Variants in BNIP1 observed in about 807,000 individuals in gnomAD.
BNIP1 encodes the protein vesicle transport protein SEC20.
In BNIP1, 25 loss-of-function variants were observed where a neutral mutation model predicts 28.5. The ratio of observed to expected loss-of-function variants is 0.88; its 90% confidence interval spans 0.64 to 1.23. The LOEUF is 1.23. BNIP1 is among the 50% of genes most tolerant of loss of function. The pLI is 0.00. For synonymous variants in BNIP1, 118 were observed against 101.7 expected, an observed-to-expected ratio of 1.16 and a Z score of -0.96; for missense variants, 276 against 277.0, an observed-to-expected ratio of 1.00 and a Z score of 0.02.
intron 1 of BNIP1, 140 bp downstream of exon 1, chr5:173,144,769 C>G (rs980908835): frequency 2.6e-5 from 22 of 850,350 alleles, no homozygotes; most frequent in Non-Finnish European, 3.9e-5. Context: ...CGGCTACCCC[C>G]CCGGTCCCCA....
intron 3 of BNIP1, among the ~76,000 whole-genome samples, chr5:173,155,741 G>GA (rs1354830711): frequency 2.6e-5 from 4 of 151,734 alleles, no homozygotes; most frequent in Non-Finnish European, 4.4e-5. Context: ...AAAAATTTTG[G>GA]AAATGAGGTC....
At chr5:173,155,639 A>G (rs998649858) in intron 3 of BNIP1, among the ~76,000 whole-genome samples, 1 of 152,198 alleles carries the variant, frequency 6.6e-6, no homozygotes, top group Non-Finnish European at 1.5e-5. Flanking sequence ...CAGAGGTTGC[A>G]GTGAGCCGAG....
intron 2 of BNIP1, 23 bp downstream of exon 2, chr5:173,146,981 A>G (rs1436047070): frequency 1.3e-6 from 2 of 1,576,814 alleles, no homozygotes; most frequent in African/African-American, 1.3e-5. Flanking sequence ...AATTCAGTCA[A>G]TGAAGGGGGC....
chr5:173,144,988 A>G (rs5745105), intron 1 of BNIP1: 2 of 194,912 alleles, frequency 1.0e-5, no homozygotes, highest in Non-Finnish European at 2.1e-5. Context: ...CCGCCCTCTG[A>G]CGCTGCTTCA....
Position 173,159,334 on chromosome 5 carries a change from C to T in BNIP1, c.371+489C>T, listed in dbSNP as rs1342985667. Among the ~76,000 whole-genome samples the T allele has an allele frequency of 4.6e-5, 7 of 152,254 alleles. No homozygotes were observed. The South Asian group carries it at 1.0e-3, about 23-fold the overall frequency. On this transcript the variant is annotated intron_variant, in intron 4 of 5. Coordinates refer to ENST00000351486, the MANE Select transcript of BNIP1 (RefSeq NM_001205.3). ...GATTATAGGCGTGAGCCACCATGCC[C>T]GGCCGAAAATATCAAATCTTATTAC...
chr5:173,161,636 A>T (rs1760364523), intron 5 of BNIP1: 1 of 152,210 alleles, frequency 6.6e-6, no homozygotes, highest in Non-Finnish European at 1.5e-5. Context: ...TGCCTCACAA[A>T]TTCAGCTTGA....
chr5:173,160,078 T>C, intron 5 of BNIP1, 27 bp downstream of exon 5: 1 of 1,602,864 alleles, frequency 6.2e-7, no homozygotes, highest in Non-Finnish European at 8.5e-7. Context: ...AGTAGGAAGC[T>C]TCTCCCAGAG....
intron 5 of BNIP1, 58 bp from the exon 6 acceptor site, chr5:173,163,667 G>C: frequency 6.8e-7 from 1 of 1,472,102 alleles, no homozygotes. Flanking sequence ...AGCAGAGTGA[G>C]GTCTTTGGAT....
At chr5:173,147,976 TC>T (rs1759888776) in intron 2 of BNIP1, among the ~76,000 whole-genome samples, 1 of 143,944 alleles carries the variant, frequency 6.9e-6, no homozygotes, top group South Asian at 2.3e-4. Flanking sequence ...GGCAGGAGAA[TC>T]GCTTGAACCC....
intron 2 of BNIP1, among the ~76,000 whole-genome samples, chr5:173,153,258 C>T (rs890652144): frequency 1.3e-5 from 2 of 151,210 alleles, no homozygotes; most frequent in African/African-American, 4.9e-5. Context: ...GAGACAGTCT[C>T]TCTCTGTCGC....
At chr5:173,154,528 T>G in intron 3 of BNIP1, 115 bp downstream of exon 3, 1 of 749,976 alleles carries the variant, frequency 1.3e-6, no homozygotes, top group Non-Finnish European at 2.1e-6. Context: ...TGGTGTCTTT[T>G]TTTTTTTTTT....
At chr5:173,151,978 A>G (rs775313585) in intron 2 of BNIP1, among the ~76,000 whole-genome samples, 2 of 152,168 alleles carry the variant, frequency 1.3e-5, no homozygotes, top group South Asian at 4.1e-4. Flanking sequence ...TGTATTTCCA[A>G]CAAGATCATG....
intron 3 of BNIP1, among the ~76,000 whole-genome samples, chr5:173,156,849 C>T (rs373544470): frequency 2.8e-4 from 42 of 151,614 alleles, no homozygotes; most frequent in African/African-American, 9.7e-4. Flanking sequence ...GGGGTTTCTC[C>T]GTGTTAGCCA....
At chr5:173,159,288 C>G (rs1489127651) in intron 4 of BNIP1, among the ~76,000 whole-genome samples, 1 of 152,122 alleles carries the variant, frequency 6.6e-6, no homozygotes, top group Non-Finnish European at 1.5e-5. Flanking sequence ...ATCCACCCAC[C>G]CCAGCCTCCC....
intron 2 of BNIP1, 78 bp downstream of exon 2, chr5:173,147,036 C>T: frequency 9.2e-7 from 1 of 1,087,780 alleles, no homozygotes; most frequent in Non-Finnish European, 1.4e-6. Flanking sequence ...CTGGGTTCTT[C>T]AAACACCAGC....
intron 1 of BNIP1, 50 bp from the exon 2 acceptor site, chr5:173,146,811 GTCATT>G: frequency 7.5e-7 from 1 of 1,324,514 alleles, no homozygotes; most frequent in Non-Finnish European, 1.1e-6. Context: ...TATGGATGGT[GTCATT>G]TCATTTCATT....
rs540630859 is a variant in BNIP1 at position 173,164,226 on chromosome 5, G to A, written c.*305G>A. 6.8e-5 allele frequency: 17 copies of A among 248,328 alleles called. No homozygotes were observed. Among genetic ancestry groups the A allele is most frequent in the African/African-American group, 1.3e-4 (6 of 45,256 alleles). The allele number at this position is 248,328 out of a possible 1,614,324, so 15.4% of individuals were successfully genotyped here. On this transcript the variant is annotated 3_prime_UTR_variant, in exon 6 of 6. Coordinates refer to ENST00000351486, the MANE Select transcript of BNIP1 (RefSeq NM_001205.3). This position sits in a 1 kb window ranked among gnomAD's most constrained non-coding sequence, Gnocchi z 4.0. ...CACTTAAAGTCCAGCCTCCAGGACC[G>A]GATGCCCCTCCTGTCTCCCGCTCCC...
In BNIP1 at chr5:173,163,851, T is replaced by G; in HGVS notation, c.617T>G (p.Phe206Cys). 6.2e-7 allele frequency: 1 copy of G among 1,614,096 alleles called. No individual in the cohort carries two copies. Among genetic ancestry groups the G allele is most frequent in the South Asian group, 1.1e-5 (1 of 91,048 alleles). Residue 206 changes from phenylalanine to cysteine, a missense_variant, in exon 6 of 6, where the codon TTC becomes TGC. By Grantham distance (205) the Phe-to-Cys change is radical. Coordinates refer to ENST00000351486, the MANE Select transcript of BNIP1 (RefSeq NM_001205.3). Reference protein sequence around the residue: ...RRELTDKLLIFLALALFLATV... With the variant: ...RRELTDKLLICLALALFLATV... ...GAGCTGACGGACAAGCTTCTCATCT[T>G]CCTTGCGCTAGCCCTGTTTCTTGCT...
intron 2 of BNIP1, among the ~76,000 whole-genome samples, chr5:173,150,757 C>CT (rs974693916): frequency 7.9e-5 from 12 of 151,530 alleles, no homozygotes; most frequent in Non-Finnish European, 1.0e-4. Flanking sequence ...AGACAAATTT[C>CT]TTTTTTTTTA....
Sources: gnomAD v4.1 joint callset for allele counts (sites outside exome capture counted in the v4.1 genomes callset) on GRCh38, gnomAD v4.1.1 for gene constraint, Gnocchi (gnomAD v3.1) non-coding constraint, MANE v1.5 for transcripts, NCBI Gene and HGNC (gene_info 2026-07-23, HGNC 2026-07-21) for gene names.